Variants in POLA1 observed in about 807,000 individuals in gnomAD.
POLA1 encodes DNA polymerase alpha 1, catalytic subunit.
POLA1 carries 15 observed loss-of-function variants against 124.0 expected under a neutral mutation model. That is an observed-to-expected ratio of 0.12 (90% CI 0.08 to 0.19). The LOEUF (loss-of-function observed/expected upper bound fraction) is 0.19, where lower values mean the gene tolerates loss of function less well. POLA1 is among the 10% of genes least tolerant of loss of function. The probability of loss-of-function intolerance (pLI) is 1.00; values close to 1 mark genes in which losing one functional copy is unlikely to be tolerated. For missense variants in POLA1, 886 were observed against 1,103.4 expected, an observed-to-expected ratio of 0.80 and a Z score of 2.79; for synonymous variants, 408 against 389.4, an observed-to-expected ratio of 1.05 and a Z score of -0.56.
At chrX:24,937,759 G>A (rs1198512705) in intron 36 of POLA1, among the ~76,000 whole-genome samples, 2 of 111,770 alleles carry the variant, frequency 1.8e-5, no homozygotes, top group Non-Finnish European at 3.8e-5. Flanking sequence ...TGATTCCTCC[G>A]CGTGTTAAAG....
At position 24,888,600 on chromosome X, in the gene POLA1, G is replaced by GTT. The variant is rs869301308; in HGVS notation, c.4164+504_4164+505dup. On this transcript the variant is annotated intron_variant, in intron 35 of 36. Transcript: ENST00000379068. The stretch of plus-strand genomic sequence containing the variant: ...ATTTTTCTTTGTTTTTTGTTTGCTT[G>GTT]TTTTTTTTTTTTTTTTTTTTTTTTT... Among the ~76,000 whole-genome samples, 67 of 49,137 alleles carry GTT rather than the reference G, an allele frequency of 1.4e-3. 2 individuals carry two copies. Among genetic ancestry groups the GTT allele is most frequent in the African/African-American group, 2.6e-3 (29 of 11,085 alleles). The allele number at this position is 49,137 out of a possible 115,157, so 42.7% of individuals were successfully genotyped here. A position where few individuals can be genotyped will look rare whatever the true frequency, so the allele number is the denominator to read the frequency against.
chrX:24,953,498 G>C (rs2048071594), intron 36 of POLA1, among the ~76,000 whole-genome samples: 1 of 111,774 alleles, frequency 8.9e-6, no homozygotes. Flanking sequence ...GCTGAGACCT[G>C]AATGACAAGA....
At chrX:24,854,234 CAG>C (rs1278815530) in intron 34 of POLA1, among the ~76,000 whole-genome samples, 1 of 110,647 alleles carries the variant, frequency 9.0e-6, no homozygotes, top group African/African-American at 3.3e-5. Flanking sequence ...TTAGTAGAGA[CAG>C]GGTTTCACCA....
At chrX:24,700,375 T>C (rs1928326901) in intron 2 of POLA1, among the ~76,000 whole-genome samples, 1 of 111,769 alleles carries the variant, frequency 8.9e-6, no homozygotes, top group Non-Finnish European at 1.9e-5. Flanking sequence ...CCAGACAGTC[T>C]GGCTTCAGAA....
chrX:24,974,100 T>C (rs11573517), intron 36 of POLA1, among the ~76,000 whole-genome samples: 5,318 of 111,095 alleles, frequency 0.048, 324 homozygotes, highest in African/African-American at 0.17. Flanking sequence ...CTAGTATTTA[T>C]TGGACACATG....
At chrX:24,942,010 C>T (rs1163485349) in intron 36 of POLA1, among the ~76,000 whole-genome samples, 1 of 112,014 alleles carries the variant, frequency 8.9e-6, no homozygotes, top group African/African-American at 3.2e-5. Context: ...CTCTTCGTGC[C>T]CTGAACCCTT....
rs191152716 is a variant in POLA1, at chrX:24,851,400, A to G, written c.4047+7723A>G. The stretch of plus-strand genomic sequence containing the variant: ...TATCCTGCCCATAATAACTTGGAAG[A>G]CAGCCAGTTATGGATACCAAGTTGC... On this transcript the variant is annotated intron_variant, in intron 34 of 36. Coordinates refer to ENST00000379068, the MANE Select transcript of POLA1 (RefSeq NM_001330360.2). Among the ~76,000 whole-genome samples, 5 of 112,750 alleles carry G rather than the reference A, an allele frequency of 4.4e-5. No homozygotes were observed. In the East Asian group the frequency reaches 1.1e-3, roughly 25 times the overall value.
At chrX:24,943,338 A>G (rs942454424) in intron 36 of POLA1, among the ~76,000 whole-genome samples, 1 of 112,411 alleles carries the variant, frequency 8.9e-6, no homozygotes, top group Non-Finnish European at 1.9e-5. Context: ...TCCTGTTAGC[A>G]TTATGACGAA....
At chrX:24,989,207 A>G (rs1037790889) in intron 36 of POLA1, among the ~76,000 whole-genome samples, 1 of 111,313 alleles carries the variant, frequency 9.0e-6, no homozygotes, top group Non-Finnish European at 1.9e-5. Context: ...AATCTTGGGA[A>G]TGTTTAAGAA....
At chrX:24,991,096 C>T (rs1223028349) in intron 36 of POLA1, among the ~76,000 whole-genome samples, 2 of 111,211 alleles carry the variant, frequency 1.8e-5, no homozygotes, top group Non-Finnish European at 3.8e-5. Flanking sequence ...GCATTTAACC[C>T]GAGTCCCCTC....
intron 34 of POLA1, among the ~76,000 whole-genome samples, chrX:24,851,531 A>G (rs1164258457): frequency 8.8e-6 from 1 of 113,394 alleles, no homozygotes; most frequent in Non-Finnish European, 1.9e-5. Context: ...GCATGAGTCC[A>G]GAAGGCTGAT....
intron 34 of POLA1, among the ~76,000 whole-genome samples, chrX:24,848,103 A>G (rs961548124): frequency 1.8e-5 from 2 of 112,212 alleles, no homozygotes; most frequent in African/African-American, 6.5e-5. Flanking sequence ...CCTAGCCTAA[A>G]TGTACTTTCA....
rs779257017 is a variant in POLA1, at chrX:24,726,182, A to G, written c.1392+127A>G. ...TCAAGCCCACAGTTCATTGAGGTGG[A>G]TTTATAGTAATGAATAATTGAAATG... On this transcript the variant is annotated intron_variant, in intron 13 of 36. Transcript: ENST00000379068. 7.0e-5 allele frequency: 31 copies of G among 442,284 alleles called. No homozygotes were observed. In the Admixed American group the frequency reaches 1.4e-3, roughly 19 times the overall value. 36.4% of individuals were successfully genotyped at this position (442,284 alleles called of 1,213,427 possible).
chrX:24,964,884 A>G (rs1432170152), intron 36 of POLA1, among the ~76,000 whole-genome samples: 1 of 112,373 alleles, frequency 8.9e-6, no homozygotes, highest in African/African-American at 3.2e-5. Flanking sequence ...CCAATTGCAG[A>G]TAGAGAGTCT....
chrX:24,737,711 A>G lies in POLA1; in HGVS notation c.2010A>G (p.Arg670=), dbSNP rs370454721. ...CTCCTCACTGGTCCAAGATAGGTCG[A>G]CTGAAGCGATCCAACATGCCAAAGC... ...CKAPHWSKIG[R]LKRSNMPKLG... Residue 670 remains arginine (R), a synonymous_variant, in exon 19 of 37, where the codon CGA becomes CGG. Transcript: ENST00000379068. The G allele has an allele frequency of 4.4e-6, 5 of 1,141,295 alleles. No homozygotes were observed. The African/African-American group carries it at 9.0e-5, about 20-fold the overall frequency. The allele number at this position is 1,141,295 out of a possible 1,213,427, so 94.1% of individuals were successfully genotyped here.
At chrX:24,884,504 G>A (rs1221555502) in intron 34 of POLA1, among the ~76,000 whole-genome samples, 1 of 112,102 alleles carries the variant, frequency 8.9e-6, no homozygotes, top group East Asian at 2.8e-4. Context: ...TAGCTAGCCG[G>A]TTGGCATTTG....
intron 35 of POLA1, among the ~76,000 whole-genome samples, chrX:24,927,802 A>G (rs1160198885): frequency 6.2e-5 from 7 of 112,446 alleles, no homozygotes. Context: ...AGTCAAAATG[A>G]GCATTTAAGT....
chrX:24,810,025 T>C, intron 27 of POLA1, 95 bp downstream of exon 27: 1 of 538,210 alleles, frequency 1.9e-6, no homozygotes, highest in Non-Finnish European at 3.0e-6. Context: ...AGACTGGAAA[T>C]TGCTTCTTAG....
At chrX:24,740,784 C>G (rs1931587430) in intron 20 of POLA1, among the ~76,000 whole-genome samples, 1 of 111,838 alleles carries the variant, frequency 8.9e-6, no homozygotes, top group Non-Finnish European at 1.9e-5. Flanking sequence ...GCTCCCTCAC[C>G]TCTTCAAGAT....
Sources: allele counts gnomAD v4.1 joint callset (sites outside exome capture counted in the v4.1 genomes callset), GRCh38; gene constraint gnomAD v4.1.1; transcripts MANE v1.5; gene names NCBI Gene and HGNC (gene_info 2026-07-23, HGNC 2026-07-21).